The following INTS4 variants were observed in gnomAD, a reference collection of about 807,000 sequenced individuals.
INTS4 encodes integrator complex subunit 4, also known as MSTP093.
A neutral mutation model predicts 119.5 loss-of-function variants in INTS4; 70 were observed. The ratio of observed to expected loss-of-function variants is 0.59; its 90% confidence interval spans 0.48 to 0.71. The LOEUF (loss-of-function observed/expected upper bound fraction) is 0.71, where lower values mean the gene tolerates loss of function less well. Ranked by LOEUF, INTS4 falls within the 30% of genes least tolerant of loss-of-function variation. INTS4 has a pLI of 0.00. For synonymous variants in INTS4, 316 were observed against 419.6 expected (o/e 0.75, Z 3.02); for missense variants, 867 against 1,173.2 (o/e 0.74, Z 3.81).
rs184736669 is a variant in INTS4, at chr11:77,903,109, T to C, written c.2097+431A>G. Among the ~76,000 whole-genome samples the C allele has an allele frequency of 5.6e-4, 85 of 152,254 alleles. No homozygotes were observed. The Middle Eastern group carries it at 0.01, about 18-fold the overall frequency. The stretch of plus-strand genomic sequence containing the variant: ...TATAGAAGAGAAAAAATCCAGGGAA[T>C]TTAAGTAACTTGCTCAATATCACTC... On this transcript the variant is annotated intron_variant, in intron 17 of 22. Coordinates refer to ENST00000534064, the MANE Select transcript of INTS4 (RefSeq NM_033547.4).
At chr11:77,930,366 A>C (rs1216651099) in intron 10 of INTS4, among the ~76,000 whole-genome samples, 1 of 152,222 alleles carries the variant, frequency 6.6e-6, no homozygotes, top group Non-Finnish European at 1.5e-5. Flanking sequence ...TTTTTATCAG[A>C]AGAGAACAAT....
chr11:77,922,638 G>A (rs941339734), intron 12 of INTS4, 167 bp from the exon 13 acceptor site: 53 of 988,048 alleles, frequency 5.4e-5, no homozygotes, highest in East Asian at 2.4e-4. Context: ...TCTGGAACTC[G>A]GTTAATTCAT....
intron 18 of INTS4, among the ~76,000 whole-genome samples, chr11:77,895,278 G>T (rs1313666697): frequency 1.3e-5 from 2 of 151,192 alleles, no homozygotes; most frequent in East Asian, 1.9e-4. Context: ...TTCATTGGAG[G>T]AATAAAGTTC....
chr11:77,963,537 T>C (rs1423391914), intron 4 of INTS4: 1 of 375,104 alleles, frequency 2.7e-6, no homozygotes, highest in African/African-American at 2.2e-5. Flanking sequence ...ACATCCCCAA[T>C]AATAAGACCA....
chr11:77,961,377 T>C (rs1954472723), intron 4 of INTS4, among the ~76,000 whole-genome samples: 2 of 152,010 alleles, frequency 1.3e-5, no homozygotes, highest in East Asian at 3.8e-4. Context: ...GTATTCCCAA[T>C]AGCTTTGGGA....
chr11:77,932,272 T>C (rs991656076), intron 10 of INTS4, among the ~76,000 whole-genome samples: 1 of 151,618 alleles, frequency 6.6e-6, no homozygotes, highest in Non-Finnish European at 1.5e-5. Flanking sequence ...CAAAAAACCA[T>C]GACCCCATCA....
chr11:77,895,385 T>C (rs1952465583), intron 18 of INTS4, among the ~76,000 whole-genome samples: 1 of 151,458 alleles, frequency 6.6e-6, no homozygotes, highest in African/African-American at 2.4e-5. Flanking sequence ...TCTCCATGAG[T>C]AGACTTTGTA....
intron 4 of INTS4, chr11:77,963,422 T>TA (rs930787197): frequency 6.4e-5 from 27 of 419,808 alleles, no homozygotes; most frequent in Non-Finnish European, 9.7e-5. Flanking sequence ...ACTTATTAAT[T>TA]AAAAAAAATT....
intron 18 of INTS4, among the ~76,000 whole-genome samples, chr11:77,899,622 A>G (rs2136432805): frequency 1.3e-5 from 2 of 152,244 alleles, no homozygotes; most frequent in South Asian, 4.2e-4. Context: ...GTGAGCTGAG[A>G]TCGGACCACT....
At chr11:77,985,129 C>G (rs1259857190) in intron 2 of INTS4, among the ~76,000 whole-genome samples, 6 of 152,210 alleles carry the variant, frequency 3.9e-5, no homozygotes, top group Non-Finnish European at 5.9e-5. Context: ...TTAAAACTGT[C>G]TTGGTTCAGG....
chr11:77,887,388 C>T (rs1281215665), intron 21 of INTS4, among the ~76,000 whole-genome samples: 1 of 152,188 alleles, frequency 6.6e-6, no homozygotes, highest in Non-Finnish European at 1.5e-5. Context: ...ATGCTAAAAA[C>T]TCTCAATAAA....
intron 8 of INTS4, among the ~76,000 whole-genome samples, chr11:77,954,400 T>G (rs550038519): frequency 6.6e-6 from 1 of 152,144 alleles, no homozygotes; most frequent in East Asian, 1.9e-4. Context: ...CCTGCCCACC[T>G]CAGCCTCCTA....
chr11:77,925,464 G>A lies in INTS4; in HGVS notation c.1372-572C>T, dbSNP rs145260581. 9.1e-3 allele frequency among the ~76,000 whole-genome samples: 1,390 copies of A among 152,188 alleles called. 20 individuals carry two copies. The highest frequency in any genetic ancestry group is 0.03 in the African/African-American group (1,248 of 41,522). On this transcript the variant is annotated intron_variant, in intron 11 of 22. Transcript: ENST00000534064. Reference sequence around the variant, plus strand: ...TAGACTTGCTCAATGCATGGTTGCCGCAATCTCTCAATTTATTAAAAAAAC... The same window carrying A: ...TAGACTTGCTCAATGCATGGTTGCCACAATCTCTCAATTTATTAAAAAAAC...
chr11:77,910,453 GA>G (rs1953065197), intron 15 of INTS4, among the ~76,000 whole-genome samples: 1 of 134,730 alleles, frequency 7.4e-6, no homozygotes, highest in African/African-American at 2.7e-5. Flanking sequence ...TGGGGTGGGG[GA>G]GGGGGGAGGG....
At chr11:77,984,743 G>C (rs940823001) in intron 2 of INTS4, among the ~76,000 whole-genome samples, 2 of 151,820 alleles carry the variant, frequency 1.3e-5, no homozygotes, top group African/African-American at 4.8e-5. Flanking sequence ...AGGCATGGTG[G>C]CACATGCCTA....
intron 2 of INTS4, 142 bp downstream of exon 2, chr11:77,990,966 G>T: frequency 4.6e-6 from 3 of 658,650 alleles, no homozygotes; most frequent in Non-Finnish European, 7.7e-6. Flanking sequence ...TTTTTATCTC[G>T]GTATCCATAG....
intron 4 of INTS4, among the ~76,000 whole-genome samples, chr11:77,968,560 T>C (rs1386295231): frequency 6.6e-6 from 1 of 152,180 alleles, no homozygotes; most frequent in Non-Finnish European, 1.5e-5. Context: ...AAGAGCTCTG[T>C]CAATGAAGGG....
Position 77,939,033 on chromosome 11 carries a change from T to A in INTS4, c.991-208A>T, listed in dbSNP as rs553753426. 1.4e-4 allele frequency among the ~76,000 whole-genome samples: 21 copies of A among 152,230 alleles called. No individual in the cohort carries two copies. The South Asian group carries it at 4.4e-3, about 32-fold the overall frequency. ...GTCTATAATAGCTGAAAGTACCTAATTAAAGAGGATAAAGATAGCTGAAGA... is the reference window on the plus strand; with the variant it reads ...GTCTATAATAGCTGAAAGTACCTAAATAAAGAGGATAAAGATAGCTGAAGA... On this transcript the variant is annotated intron_variant, in intron 9 of 22. Coordinates refer to ENST00000534064, the MANE Select transcript of INTS4 (RefSeq NM_033547.4).
In INTS4 at chr11:77,926,803, C is replaced by T. The variant is rs571633198; in HGVS notation, c.1371+1539G>A. Among the ~76,000 whole-genome samples, 6 of 108,286 alleles carry T rather than the reference C, an allele frequency of 5.5e-5. No individual in the cohort carries two copies. In the East Asian group the frequency reaches 1.5e-3, roughly 27 times the overall value. 71.0% of individuals were successfully genotyped at this position (108,286 alleles called of 152,430 possible). A position where few individuals can be genotyped will look rare whatever the true frequency, so the allele number is the denominator to read the frequency against. On this transcript the variant is annotated intron_variant, in intron 11 of 22. Coordinates refer to ENST00000534064, the MANE Select transcript of INTS4 (RefSeq NM_033547.4). ...CTCCACCCTGGGGAACAGAGCGAGA[C>T]TCAGCCTCAAAAAAAAAAAAAAAGG...
Sources: allele counts gnomAD v4.1 joint callset (sites outside exome capture counted in the v4.1 genomes callset), GRCh38; gene constraint gnomAD v4.1.1; transcripts MANE v1.5; gene names NCBI Gene and HGNC (gene_info 2026-07-23, HGNC 2026-07-21).